RPS6KC1: variants seen among roughly 807,000 people sequenced by gnomAD.
RPS6KC1 encodes the protein ribosomal protein S6 kinase C1, also known as inactive ribosomal protein S6 kinase delta-1.
Under a neutral mutation model 103.8 loss-of-function variants are expected in RPS6KC1, and 54 were observed. That is an observed-to-expected ratio of 0.52 (90% CI 0.42 to 0.65). RPS6KC1 has a LOEUF of 0.65. Ranked by LOEUF, RPS6KC1 falls within the 30% of genes least tolerant of loss-of-function variation. The pLI is 0.00. For synonymous variants in RPS6KC1, 439 were observed against 438.7 expected (o/e 1.00, Z -0.01); for missense variants, 1,151 against 1,253.8 (o/e 0.92, Z 1.24).
chr1:213,237,077 A>T (rs1042837477), intron 10 of RPS6KC1, among the ~76,000 whole-genome samples: 2 of 152,088 alleles, frequency 1.3e-5, no homozygotes, highest in Non-Finnish European at 2.9e-5. Context: ...GTCTGTTTTT[A>T]AAAAACTTAA....
intron 14 of RPS6KC1, among the ~76,000 whole-genome samples, chr1:213,265,881 G>A (rs1272593898): frequency 2.0e-5 from 3 of 152,138 alleles, no homozygotes; most frequent in African/African-American, 7.2e-5. Context: ...CATGGATTCT[G>A]GAATCAGAAT....
At chr1:213,815,468 A>C in the RPS6KC1 span, among the ~76,000 whole-genome samples, 2 of 152,252 alleles carry the variant, frequency 1.3e-5, no homozygotes, top group Admixed American at 1.3e-4. Flanking sequence ...ATGGATTAGA[A>C]AGATGTCCTA....
chr1:213,590,159 G>A, the RPS6KC1 span, among the ~76,000 whole-genome samples: 2 of 152,156 alleles, frequency 1.3e-5, no homozygotes, highest in South Asian at 2.1e-4. Context: ...TTTACGTCTA[G>A]GGAATGTAAA....
At chr1:213,619,753 CT>C in the RPS6KC1 span, among the ~76,000 whole-genome samples, 26 of 152,156 alleles carry the variant, frequency 1.7e-4, no homozygotes, top group African/African-American at 6.3e-4. Context: ...CTAGCATCTG[CT>C]TTTTTGCAAA....
intron 14 of RPS6KC1, among the ~76,000 whole-genome samples, chr1:213,270,705 A>T (rs2095027996): frequency 6.6e-6 from 1 of 152,238 alleles, no homozygotes; most frequent in Non-Finnish European, 1.5e-5. Context: ...GTATCTGATA[A>T]GGGACTTATA....
At chr1:213,215,579 G>T (rs2093637506) in intron 8 of RPS6KC1, among the ~76,000 whole-genome samples, 2 of 152,140 alleles carry the variant, frequency 1.3e-5, no homozygotes, top group Non-Finnish European at 2.9e-5. Context: ...ATAATTGTCA[G>T]ATTCACCAAA....
chr1:213,398,196 CTTTTTTTTTTTT>C, the RPS6KC1 span, among the ~76,000 whole-genome samples: 1 of 109,480 alleles, frequency 9.1e-6, no homozygotes, highest in Non-Finnish European at 1.8e-5. Flanking sequence ...CACACCTGGC[CTTTTTTTTTTTT>C]TTTTTTTTTG....
the RPS6KC1 span, among the ~76,000 whole-genome samples, chr1:213,789,188 T>C: frequency 6.6e-6 from 1 of 152,100 alleles, no homozygotes; most frequent in African/African-American, 2.4e-5. Context: ...GTGTAGTTTT[T>C]TCCTGTGGTT....
chr1:213,340,068 A>G, the RPS6KC1 span, among the ~76,000 whole-genome samples: 1 of 151,802 alleles, frequency 6.6e-6, no homozygotes, highest in Admixed American at 6.6e-5. Flanking sequence ...AATTTTTTGT[A>G]TTTTTAGTAG....
chr1:213,661,611 C>T, the RPS6KC1 span, among the ~76,000 whole-genome samples: 159 of 152,180 alleles, frequency 1.0e-3, 1 homozygote, highest in Middle Eastern at 3.4e-3. Flanking sequence ...GGAGAGCACA[C>T]GATAACTCAA....
chr1:213,845,959 C>T, the RPS6KC1 span, among the ~76,000 whole-genome samples: 1 of 151,900 alleles, frequency 6.6e-6, no homozygotes, highest in Non-Finnish European at 1.5e-5. Context: ...TAACCCCTGT[C>T]ATTTTGGACT....
chr1:213,151,791 C>G (rs1331847057), intron 6 of RPS6KC1, among the ~76,000 whole-genome samples: 1 of 132,672 alleles, frequency 7.5e-6, no homozygotes, highest in African/African-American at 3.0e-5. Context: ...TGACCCCCCC[C>G]ACCTCCCTCC....
chr1:213,051,296 A>G lies in RPS6KC1; in HGVS notation c.-109A>G. On this transcript the variant is annotated 5_prime_UTR_variant, in exon 1 of 15. Transcript: ENST00000366960. The stretch of plus-strand genomic sequence containing the variant: ...GCCGCCGTGGAGCCGCCTTGGAGCC[A>G]CCGCCCCCTCGCCGCTTCGCCGCTG... 1.3e-6 allele frequency: 1 copy of G among 768,978 alleles called. No individual in the cohort carries two copies. The highest frequency in any genetic ancestry group is 2.2e-6 in the Non-Finnish European group (1 of 462,092). The allele number at this position is 768,978 out of a possible 1,614,324, so 47.6% of individuals were successfully genotyped here. A position where few individuals can be genotyped will look rare whatever the true frequency, so the allele number is the denominator to read the frequency against.
chr1:213,787,642 G>C, the RPS6KC1 span, among the ~76,000 whole-genome samples: 3 of 151,684 alleles, frequency 2.0e-5, no homozygotes, highest in African/African-American at 7.3e-5. Context: ...TTGATAGCTA[G>C]GTGGATAAGG....
the RPS6KC1 span, among the ~76,000 whole-genome samples, chr1:213,602,106 T>TTTCTTTCTTTC: frequency 5.8e-5 from 2 of 34,664 alleles, no homozygotes; most frequent in Non-Finnish European, 1.0e-4. Flanking sequence ...CTTTCTTTCT[T>TTTCTTTCTTTC]TCTTTCTTTC....
the RPS6KC1 span, among the ~76,000 whole-genome samples, chr1:213,522,528 T>C: frequency 6.6e-6 from 1 of 152,254 alleles, no homozygotes; most frequent in Non-Finnish European, 1.5e-5. Context: ...TCTCTCTAGC[T>C]ATGAAAGTCC....
chr1:213,107,009 C>T (rs1162933868), intron 4 of RPS6KC1, among the ~76,000 whole-genome samples: 2 of 152,000 alleles, frequency 1.3e-5, no homozygotes, highest in Non-Finnish European at 2.9e-5. Flanking sequence ...GGCACAATCT[C>T]GGCTAACCGC....
the RPS6KC1 span, among the ~76,000 whole-genome samples, chr1:213,609,170 C>T: frequency 3.9e-5 from 6 of 152,174 alleles, no homozygotes; most frequent in African/African-American, 1.2e-4. Flanking sequence ...AGTAAAAGTC[C>T]ATATACCACG....
chr1:213,746,056 C>A, the RPS6KC1 span, among the ~76,000 whole-genome samples: 4 of 152,290 alleles, frequency 2.6e-5, no homozygotes, highest in Admixed American at 2.6e-4. Context: ...AGGAGCTTAG[C>A]TTGCCTCAGT....
Sources: allele counts gnomAD v4.1 joint callset (sites outside exome capture counted in the v4.1 genomes callset), GRCh38; gene constraint gnomAD v4.1.1; transcripts MANE v1.5; gene names NCBI Gene and HGNC (gene_info 2026-07-23, HGNC 2026-07-21).